Variants in SHANK2 observed in about 807,000 individuals in gnomAD.
The protein encoded by SHANK2 is SH3 and multiple ankyrin repeat domains protein 2.
Under a neutral mutation model 133.7 loss-of-function variants are expected in SHANK2, and 43 were observed. That is an observed-to-expected ratio of 0.32 (90% CI 0.25 to 0.41). The LOEUF is 0.41. Ranked by LOEUF, SHANK2 falls within the 10% of genes least tolerant of loss-of-function variation. The pLI is 1.00. For missense variants in SHANK2, 1,994 were observed against 2,235.8 expected (o/e 0.89, Z 2.18); for synonymous variants, 1,017 against 952.8 (o/e 1.07, Z -1.24).
At chr11:70,828,580 C>G (rs1271129341) in intron 11 of SHANK2, among the ~76,000 whole-genome samples, 1 of 152,238 alleles carries the variant, frequency 6.6e-6, no homozygotes, top group Non-Finnish European at 1.5e-5. Flanking sequence ...TCCCCCACTT[C>G]GGGAGGCCTG....
Position 70,613,763 on chromosome 11 carries a change from G to GTTTTTTTTTTTTTT in SHANK2, c.2061+46051_2061+46064dup, listed in dbSNP as rs57180024. ...TGTCCTTGTAAGAAGAGGGGAACTT[G>GTTTTTTTTTTTTTT]TTTTTTTTTTTTTTTCTTTGAGATG... is the stretch of plus-strand genomic sequence containing the variant. On this transcript the variant is annotated intron_variant, in intron 17 of 25. Transcript: ENST00000601538. Among the ~76,000 whole-genome samples the GTTTTTTTTTTTTTT allele has an allele frequency of 6.5e-5, 8 of 123,776 alleles. 1 individual carries two copies. The highest frequency in any genetic ancestry group is 9.3e-5 in the African/African-American group (3 of 32,208). 81.2% of individuals were successfully genotyped at this position (123,776 alleles called of 152,430 possible).
At chr11:71,144,695 C>A (rs1226279436) in intron 3 of SHANK2, among the ~76,000 whole-genome samples, 1 of 152,140 alleles carries the variant, frequency 6.6e-6, no homozygotes, top group Non-Finnish European at 1.5e-5. Flanking sequence ...AAAAAAAATT[C>A]CAGCCTTCCA....
At chr11:71,200,608 C>A (rs1272734127) in intron 2 of SHANK2, among the ~76,000 whole-genome samples, 1 of 151,976 alleles carries the variant, frequency 6.6e-6, no homozygotes, top group African/African-American at 2.4e-5. Flanking sequence ...CATTTAACTT[C>A]ACTCTACATT....
chr11:70,670,248 T>C (rs1591730159), intron 15 of SHANK2, among the ~76,000 whole-genome samples: 2 of 152,150 alleles, frequency 1.3e-5, no homozygotes, highest in Admixed American at 6.5e-5. Flanking sequence ...CAGGGCCTGG[T>C]GAAGGCAGGA....
chr11:70,523,589 C>T (rs2059357410), intron 17 of SHANK2, among the ~76,000 whole-genome samples: 1 of 152,190 alleles, frequency 6.6e-6, no homozygotes, highest in African/African-American at 2.4e-5. Context: ...GCTTTCCCAC[C>T]TAAGCAGGCT....
intron 17 of SHANK2, among the ~76,000 whole-genome samples, chr11:70,525,771 G>C (rs562012686): frequency 3.0e-4 from 46 of 152,122 alleles, no homozygotes; most frequent in South Asian, 8.3e-4. Flanking sequence ...CTGCTCTCCA[G>C]CTAACCCCCC....
chr11:70,704,598 A>C (rs1555024520), intron 14 of SHANK2, among the ~76,000 whole-genome samples: 1 of 151,526 alleles, frequency 6.6e-6, no homozygotes, highest in African/African-American at 2.4e-5. Context: ...GACTGCTGAG[A>C]AAGGTGATCT....
chr11:70,520,292 C>A (rs1189217888), intron 17 of SHANK2, among the ~76,000 whole-genome samples: 8 of 152,238 alleles, frequency 5.3e-5, no homozygotes, highest in Non-Finnish European at 1.2e-4. Flanking sequence ...GTCCCAGGAT[C>A]TGTCCAGAGC....
In SHANK2 at chr11:70,597,082, G is replaced by A. The variant is rs1242291384; in HGVS notation, c.2061+62746C>T. 3.3e-5 allele frequency among the ~76,000 whole-genome samples: 5 copies of A among 152,078 alleles called. No homozygotes were observed. The South Asian group carries it at 6.2e-4, about 19-fold the overall frequency. On this transcript the variant is annotated intron_variant, in intron 17 of 25. Transcript: ENST00000601538. ...GAACAAAGCTGAATAATTGTGCACC[G>A]GTGCTCAGGGGGTGACTGTTCCCTC...
intron 14 of SHANK2, among the ~76,000 whole-genome samples, chr11:70,706,830 A>C (rs1555025029): frequency 1.3e-5 from 2 of 152,124 alleles, no homozygotes; most frequent in Non-Finnish European, 2.9e-5. Context: ...TTGCATGACA[A>C]GCTTCAGACT....
At chr11:70,627,692 T>C (rs1429571087) in intron 17 of SHANK2, among the ~76,000 whole-genome samples, 1 of 152,234 alleles carries the variant, frequency 6.6e-6, no homozygotes, top group Non-Finnish European at 1.5e-5. Flanking sequence ...AAATATGAAA[T>C]TCACGTATGC....
chr11:71,121,932 A>G, intron 3 of SHANK2, among the ~76,000 whole-genome samples: 1 of 152,230 alleles, frequency 6.6e-6, no homozygotes, highest in East Asian at 1.9e-4. Context: ...AATGCAAATC[A>G]AAACCACAAT....
intron 17 of SHANK2, among the ~76,000 whole-genome samples, chr11:70,639,020 A>AC (rs2061143348): frequency 3.9e-5 from 6 of 152,150 alleles, no homozygotes; most frequent in African/African-American, 1.2e-4. Flanking sequence ...AAACAAAAAA[A>AC]AAACAAAAAA....
At chr11:70,516,871 A>G (rs182725239) in intron 17 of SHANK2, among the ~76,000 whole-genome samples, 1 of 152,274 alleles carries the variant, frequency 6.6e-6, no homozygotes. Context: ...TCAGGAGTTC[A>G]AGACCAGCCT....
intron 17 of SHANK2, among the ~76,000 whole-genome samples, chr11:70,568,960 A>G (rs1337321167): frequency 2.6e-5 from 4 of 152,166 alleles, no homozygotes; most frequent in Admixed American, 1.3e-4. Context: ...CAGTGGACTC[A>G]GCATCCACGT....
intron 14 of SHANK2, among the ~76,000 whole-genome samples, chr11:70,778,788 T>A (rs1376103403): frequency 6.6e-6 from 1 of 152,186 alleles, no homozygotes; most frequent in African/African-American, 2.4e-5. Context: ...CTGACTAATA[T>A]AGACTCTTCC....
At chr11:70,801,842 T>C (rs1424365891) in intron 13 of SHANK2, among the ~76,000 whole-genome samples, 1 of 152,158 alleles carries the variant, frequency 6.6e-6, no homozygotes, top group Non-Finnish European at 1.5e-5. Context: ...GAGTCCTGCC[T>C]TGCTCTTGGG....
At chr11:70,768,852 C>G (rs1409207450) in intron 14 of SHANK2, among the ~76,000 whole-genome samples, 2 of 152,076 alleles carry the variant, frequency 1.3e-5, no homozygotes, top group Non-Finnish European at 2.9e-5. Flanking sequence ...GGTTCTCACC[C>G]TGCACATGGG....
At chr11:70,818,964 G>A (rs1469585300) in intron 12 of SHANK2, among the ~76,000 whole-genome samples, 3 of 152,228 alleles carry the variant, frequency 2.0e-5, no homozygotes, top group African/African-American at 7.2e-5. Flanking sequence ...GCCCCTGGGG[G>A]CAGGGGTGGT....
Sources: allele counts gnomAD v4.1 joint callset (sites outside exome capture counted in the v4.1 genomes callset), GRCh38; gene constraint gnomAD v4.1.1; transcripts MANE v1.5; gene names NCBI Gene and HGNC (gene_info 2026-07-23, HGNC 2026-07-21).